USP54: variants seen among roughly 807,000 people sequenced by gnomAD.
USP54 encodes ubiquitin specific peptidase 54, also known as ubiquitin carboxyl-terminal hydrolase 54.
A neutral mutation model predicts 170.5 loss-of-function variants in USP54; 87 were observed. That is an observed-to-expected ratio of 0.51 (90% CI 0.43 to 0.61). The LOEUF (loss-of-function observed/expected upper bound fraction) is 0.61. USP54 is among the 20% of genes least tolerant of loss of function. USP54 has a pLI of 0.00. For synonymous variants in USP54, 655 were observed against 742.8 expected (o/e 0.88, Z 1.92); for missense variants, 1,786 against 2,047.8 (o/e 0.87, Z 2.47).
chr10:73,504,687 G>T, intron 22 of USP54, 163 bp downstream of exon 22: 1 of 940,354 alleles, frequency 1.1e-6, no homozygotes, highest in Non-Finnish European at 1.6e-6. Flanking sequence ...CCAGCTGAAT[G>T]TTTGTAAATA....
intron 1 of USP54, among the ~76,000 whole-genome samples, chr10:73,618,039 C>T (rs1390660367): frequency 6.7e-6 from 1 of 149,924 alleles, no homozygotes; most frequent in Non-Finnish European, 1.5e-5. Context: ...GGTGAAACCC[C>T]ATCTCTACTA....
chr10:73,552,707 C>T (rs2069801615), intron 4 of USP54, among the ~76,000 whole-genome samples: 1 of 152,114 alleles, frequency 6.6e-6, no homozygotes, highest in African/African-American at 2.4e-5. Flanking sequence ...AGGAGAATTG[C>T]TTGAACCCGG....
At position 73,505,385 on chromosome 10, in the gene USP54, C is replaced by G; in HGVS notation, c.4093G>C (p.Asp1365His). 6.2e-7 allele frequency: 1 copy of G among 1,614,148 alleles called. No homozygotes were observed. The highest frequency in any genetic ancestry group is 8.5e-7 in the Non-Finnish European group (1 of 1,180,014). ...GMGRRLHSAHDPGLSKTSTAE... is the reference protein window; with the variant it reads ...GMGRRLHSAHHPGLSKTSTAE... ...GTTGAAGTCTTTGAGAGACCAGGAT[C>G]ATGGGCTGAGTGCAACCTCCTCCCC... The change falls in exon 21 of 24, where the codon GAT becomes CAT. Residue 1365 changes from aspartate (D) to histidine (H), a missense_variant. Transcript: ENST00000687698.
intron 1 of USP54, among the ~76,000 whole-genome samples, chr10:73,603,306 TA>T (rs1222441208): frequency 6.6e-6 from 1 of 152,060 alleles, no homozygotes; most frequent in African/African-American, 2.4e-5. Flanking sequence ...AAATATATAA[TA>T]AAATTTTTAA....
At position 73,498,302 on chromosome 10, in the gene USP54, A is replaced by G; in HGVS notation, c.*327T>C. On this transcript the variant is annotated 3_prime_UTR_variant, in exon 24 of 24. Coordinates refer to ENST00000687698, the MANE Select transcript of USP54 (RefSeq NM_001391956.1). ...TGTTTTGTTTTGTTTTTTGAGATGG[A>G]GTCTCACTCTATTGCCAAGCTGGAG... The G allele has an allele frequency of 1.1e-5, 2 of 174,088 alleles. No individual in the cohort carries two copies. The highest frequency in any genetic ancestry group is 2.5e-5 in the Non-Finnish European group (2 of 81,006). The allele number at this position is 174,088 out of a possible 1,614,324, so 10.8% of individuals were successfully genotyped here. A position where few individuals can be genotyped will look rare whatever the true frequency, so the allele number is the denominator to read the frequency against.
rs2061255383 is a variant in USP54, at chr10:73,517,609, C to T, written c.2817G>A (p.Glu939=). 1 of 1,614,066 alleles carries T rather than the reference C, an allele frequency of 6.2e-7. No homozygotes were observed. Among genetic ancestry groups the T allele is most frequent in the East Asian group, 2.2e-5 (1 of 44,882 alleles). Residue 939 remains glutamate, a synonymous_variant, in exon 20 of 24, where the codon GAG becomes GAA. Coordinates refer to ENST00000687698, the MANE Select transcript of USP54 (RefSeq NM_001391956.1). ...GGGAGCTGTGCTGTGGGGCAGATGA[C>T]TCTGGAGATAGTGATGAGTGTGACT... ...CHESHSSLSP[E]SSAPQHSSPS...
chr10:73,543,448 G>A lies in USP54; in HGVS notation c.376-317C>T, dbSNP rs539806629. Among the ~76,000 whole-genome samples the A allele has an allele frequency of 6.6e-5, 10 of 151,882 alleles. No individual in the cohort carries two copies. The East Asian group carries it at 1.7e-3, about 27-fold the overall frequency. ...GTGGCTCAATCTTGGCTCACTGCAA[G>A]CTCCACCTCCCGGGTTCACGCCATT... On this transcript the variant is annotated intron_variant, in intron 5 of 23. Transcript: ENST00000687698.
chr10:73,541,866 C>G (rs1196672611), intron 7 of USP54, 128 bp from the exon 8 acceptor site: 15 of 846,432 alleles, frequency 1.8e-5, no homozygotes, highest in Non-Finnish European at 2.6e-5. Flanking sequence ...AGCCCCTGAC[C>G]AGGCTCAGTG....
At chr10:73,509,441 A>T in intron 20 of USP54, among the ~76,000 whole-genome samples, 1 of 146,286 alleles carries the variant, frequency 6.8e-6, no homozygotes, top group Admixed American at 6.9e-5. Context: ...GTCTCTACCA[A>T]AAAAAAAAAA....
chr10:73,498,453 T>G lies in USP54; in HGVS notation c.*176A>C. 2 of 472,614 alleles carry G rather than the reference T, an allele frequency of 4.2e-6. No homozygotes were observed. Among genetic ancestry groups the G allele is most frequent in the Non-Finnish European group, 7.0e-6 (2 of 287,116 alleles). The allele number at this position is 472,614 out of a possible 1,614,324, so 29.3% of individuals were successfully genotyped here. ...GTCACGCCTGGCTAATTTTTTGTAT[T>G]TTGGTAGAGACGGGGTTTCACCATG... On this transcript the variant is annotated 3_prime_UTR_variant, in exon 24 of 24. Transcript: ENST00000687698.
At chr10:73,566,294 T>C (rs1251179359) in intron 4 of USP54, among the ~76,000 whole-genome samples, 1 of 152,114 alleles carries the variant, frequency 6.6e-6, no homozygotes, top group Non-Finnish European at 1.5e-5. Flanking sequence ...CACACAACAA[T>C]GTAGATGCTC....
chr10:73,617,570 G>A lies in USP54; in HGVS notation c.-18+7997C>T, dbSNP rs953670534. Among the ~76,000 whole-genome samples, 8 of 149,868 alleles carry A rather than the reference G, an allele frequency of 5.3e-5. 1 individual carries two copies. The highest frequency in any genetic ancestry group is 2.0e-4 in the African/African-American group (8 of 39,546). ...CTTGGCCAGGTGCAGTGGCTCATAC[G>A]TGTAATCCCAGCACTTTGGAGGGCT... On this transcript the variant is annotated intron_variant, in intron 1 of 22. Coordinates refer to the USP54 transcript ENST00000339859.
At chr10:73,573,665 T>C (rs2075634295) in intron 3 of USP54, among the ~76,000 whole-genome samples, 1 of 152,190 alleles carries the variant, frequency 6.6e-6, no homozygotes, top group African/African-American at 2.4e-5. Flanking sequence ...CTCAGGAGGC[T>C]AAGGCAGGAG....
chr10:73,581,334 A>G (rs1276773120), intron 1 of USP54, among the ~76,000 whole-genome samples: 1 of 152,254 alleles, frequency 6.6e-6, no homozygotes, highest in East Asian at 1.9e-4. Context: ...ACTAAGTTAT[A>G]TGTCCCACTG....
At chr10:73,544,297 A>G (rs534862062) in intron 5 of USP54, among the ~76,000 whole-genome samples, 1 of 152,304 alleles carries the variant, frequency 6.6e-6, no homozygotes, top group African/African-American at 2.4e-5. Context: ...AGTTGTGTAA[A>G]TCAATAGTTT....
chr10:73,534,799 A>G (rs1776998004), intron 11 of USP54, 29 bp from the exon 12 acceptor site: 1 of 1,604,886 alleles, frequency 6.2e-7, no homozygotes, highest in Non-Finnish European at 8.5e-7. Flanking sequence ...ACATATGCAA[A>G]AAGTGAGGAA....
chr10:73,500,916 G>A, intron 22 of USP54, 78 bp from the exon 23 acceptor site: 1 of 1,456,214 alleles, frequency 6.9e-7, no homozygotes, highest in South Asian at 1.3e-5. Flanking sequence ...AACACAGTGA[G>A]GCAAGCAAAG....
chr10:73,609,060 A>G (rs1402622351), intron 1 of USP54, among the ~76,000 whole-genome samples: 1 of 152,216 alleles, frequency 6.6e-6, no homozygotes, highest in Non-Finnish European at 1.5e-5. Context: ...ATGTTTCCTT[A>G]GACCTAGTGG....
intron 4 of USP54, among the ~76,000 whole-genome samples, chr10:73,569,902 CAAAAAAAAAAAAAAAA>C (rs34676499): frequency 2.1e-3 from 39 of 18,702 alleles, no homozygotes; most frequent in Non-Finnish European, 2.7e-3. Flanking sequence ...ATTTCATCTC[CAAAAAAAAAAAAAAAA>C]AAAAAAAAAA....
Sources: gnomAD v4.1 joint callset for allele counts (sites outside exome capture counted in the v4.1 genomes callset) on GRCh38, gnomAD v4.1.1 for gene constraint, MANE v1.5 for transcripts, NCBI Gene and HGNC (gene_info 2026-07-23, HGNC 2026-07-21) for gene names.